Variants in WDPCP observed in about 807,000 individuals in gnomAD.
WDPCP encodes WD repeat containing planar cell polarity effector.
Under a neutral mutation model 93.1 loss-of-function variants are expected in WDPCP, and 71 were observed. That is an observed-to-expected ratio of 0.76 (90% CI 0.63 to 0.93). The LOEUF (loss-of-function observed/expected upper bound fraction) is 0.93. Ranked by LOEUF, WDPCP falls within the 40% of genes least tolerant of loss-of-function variation. The probability of loss-of-function intolerance (pLI) is 0.00; values close to 1 mark genes in which losing one functional copy is unlikely to be tolerated. For missense variants in WDPCP, 844 were observed against 887.4 expected (o/e 0.95, Z 0.62); for synonymous variants, 315 against 315.0 (o/e 1.00, Z 0.00).
intron 13 of WDPCP, among the ~76,000 whole-genome samples, chr2:63,306,080 T>C (rs1685717019): frequency 6.6e-6 from 1 of 152,020 alleles, no homozygotes; most frequent in Non-Finnish European, 1.5e-5. Context: ...ATCACAGAAA[T>C]ACAAACTACC....
rs189010809 is a variant in WDPCP, at chr2:63,373,281, C to T, written c.1748+5105G>A. ...TTTTTTTTTTCTTTTAAATGACATA[C>T]GGTCTTGCTCTGTCGCCCAGTGCAA... is the stretch of plus-strand genomic sequence containing the variant. On this transcript the variant is annotated intron_variant, in intron 12 of 17. Transcript: ENST00000272321. Among the ~76,000 whole-genome samples the T allele has an allele frequency of 3.0e-3, 426 of 141,406 alleles. 2 individuals carry two copies. Among genetic ancestry groups the T allele is most frequent in the African/African-American group, 9.9e-3 (380 of 38,372 alleles). The allele number at this position is 141,406 out of a possible 152,430, so 92.8% of individuals were successfully genotyped here. A position where few individuals can be genotyped will look rare whatever the true frequency, so the allele number is the denominator to read the frequency against.
intron 13 of WDPCP, among the ~76,000 whole-genome samples, chr2:63,310,385 A>G (rs991750569): frequency 1.3e-5 from 2 of 152,140 alleles, no homozygotes; most frequent in African/African-American, 4.8e-5. Context: ...TTTACTTCAC[A>G]CTTGTACCTA....
chr2:63,173,161 T>C (rs1185441624), intron 15 of WDPCP, among the ~76,000 whole-genome samples: 1 of 150,990 alleles, frequency 6.6e-6, no homozygotes, highest in African/African-American at 2.4e-5. Context: ...CCAGCTACTA[T>C]GGAGGGTGAA....
intron 2 of WDPCP, among the ~76,000 whole-genome samples, chr2:63,776,328 C>A (rs548952160): frequency 6.6e-6 from 1 of 151,480 alleles, no homozygotes; most frequent in Admixed American, 6.6e-5. Context: ...GTATAAAACA[C>A]GGAAAGATAT....
rs896018299 is a variant in WDPCP, at chr2:63,706,600, C to CTTTTTTT, written n.309-55769_309-55763dup. Among the ~76,000 whole-genome samples, 22 of 61,694 alleles carry CTTTTTTT rather than the reference C, an allele frequency of 3.6e-4. 2 individuals carry two copies. The highest frequency in any genetic ancestry group is 5.1e-4 in the Non-Finnish European group (15 of 29,216). The allele number at this position is 61,694 out of a possible 152,430, so 40.5% of individuals were successfully genotyped here. ...GAAATTCTGGGTTGAAAATTCTTTTCTTTTTTTTTTTTTTTTTTTTTTTTT... is the reference window on the plus strand; with the variant it reads ...GAAATTCTGGGTTGAAAATTCTTTTCTTTTTTTTTTTTTTTTTTTTTTTTTTTTTTTT... On this transcript the variant is annotated intron_variant and non_coding_transcript_variant, in intron 2 of 4. Transcript: ENST00000467687.
At chr2:63,593,758 T>A (rs1173858945), upstream of WDPCP, 3 of 453,834 alleles carry the variant, frequency 6.6e-6, no homozygotes, top group Non-Finnish European at 1.4e-5. Context: ...TGTTTTGTTC[T>A]TTTTAATAGA....
intron 12 of WDPCP, among the ~76,000 whole-genome samples, chr2:63,319,526 T>C (rs1316156624): frequency 6.6e-6 from 1 of 152,212 alleles, no homozygotes; most frequent in Non-Finnish European, 1.5e-5. Context: ...AATTACAAAG[T>C]TATATTTATT....
intron 1 of WDPCP, among the ~76,000 whole-genome samples, chr2:63,527,605 A>C (rs576156182): frequency 1.3e-5 from 2 of 151,500 alleles, no homozygotes; most frequent in Admixed American, 1.3e-4. Context: ...ACATTTTCTT[A>C]ATCCAGTCTA....
intron 7 of WDPCP, among the ~76,000 whole-genome samples, chr2:63,438,841 T>C (rs917218136): frequency 1.3e-5 from 2 of 152,258 alleles, no homozygotes; most frequent in African/African-American, 4.8e-5. Flanking sequence ...CTTTGATTAC[T>C]AAATTTAAGA....
intron 2 of WDPCP, among the ~76,000 whole-genome samples, chr2:63,730,933 T>C (rs529439715): frequency 2.0e-5 from 3 of 148,592 alleles, no homozygotes; most frequent in Non-Finnish European, 4.5e-5. Context: ...AAAGGTAAAA[T>C]AGCCAAGTAC....
intron 3 of WDPCP, among the ~76,000 whole-genome samples, chr2:63,634,294 T>C (rs2106634262): frequency 6.6e-6 from 1 of 152,148 alleles, no homozygotes; most frequent in Non-Finnish European, 1.5e-5. Context: ...TAAGTCAAAA[T>C]AATGATAAAG....
chr2:63,836,475 A>G, the WDPCP span, among the ~76,000 whole-genome samples: 1 of 152,240 alleles, frequency 6.6e-6, no homozygotes, highest in Non-Finnish European at 1.5e-5. Flanking sequence ...CTATACATAT[A>G]TCACTACAGT....
intron 9 of WDPCP, among the ~76,000 whole-genome samples, chr2:63,414,641 T>C (rs138537600): frequency 6.6e-6 from 1 of 152,102 alleles, no homozygotes; most frequent in Non-Finnish European, 1.5e-5. Flanking sequence ...AAACCAAAAA[T>C]CTTATGTTCT....
At chr2:63,555,715 A>T (rs1706060388) in intron 1 of WDPCP, among the ~76,000 whole-genome samples, 1 of 152,186 alleles carries the variant, frequency 6.6e-6, no homozygotes, top group Non-Finnish European at 1.5e-5. Flanking sequence ...AGGAAAACAG[A>T]GTCTGGAGTG....
intron 13 of WDPCP, among the ~76,000 whole-genome samples, chr2:63,272,521 T>C (rs1682743979): frequency 6.6e-6 from 1 of 152,058 alleles, no homozygotes; most frequent in Non-Finnish European, 1.5e-5. Flanking sequence ...ATCTGTAAAA[T>C]GCCTGAAAGA....
intron 3 of WDPCP, among the ~76,000 whole-genome samples, chr2:63,631,725 G>A (rs1709866740): frequency 6.6e-6 from 1 of 152,176 alleles, no homozygotes; most frequent in Admixed American, 6.5e-5. Flanking sequence ...TGGGAGTAAA[G>A]GCAAGGCATA....
At chr2:63,516,456 C>A (rs921881770) in intron 1 of WDPCP, among the ~76,000 whole-genome samples, 1 of 152,210 alleles carries the variant, frequency 6.6e-6, no homozygotes, top group Non-Finnish European at 1.5e-5. Flanking sequence ...GCTGCTACAG[C>A]CCTCTGTGAG....
intron 12 of WDPCP, among the ~76,000 whole-genome samples, chr2:63,321,619 C>A (rs183582011): frequency 3.4e-4 from 51 of 152,048 alleles, no homozygotes; most frequent in African/African-American, 1.2e-3. Flanking sequence ...ACGGATATAA[C>A]TTTTTTTTAT....
At chr2:63,714,315 G>A (rs1331923258) in intron 2 of WDPCP, among the ~76,000 whole-genome samples, 5 of 151,780 alleles carry the variant, frequency 3.3e-5, no homozygotes, top group East Asian at 3.9e-4. Flanking sequence ...TGATCCACCC[G>A]CCTTGTCCTC....
Sources: gnomAD v4.1 joint callset for allele counts (sites outside exome capture counted in the v4.1 genomes callset) on GRCh38, gnomAD v4.1.1 for gene constraint, MANE v1.5 for transcripts, NCBI Gene and HGNC (gene_info 2026-07-23, HGNC 2026-07-21) for gene names.